MAPKAPK2: variants seen among roughly 807,000 people sequenced by gnomAD.
The protein encoded by MAPKAPK2 is MAPK activated protein kinase 2.
A neutral mutation model predicts 48.8 loss-of-function variants in MAPKAPK2; 9 were observed. The observed-to-expected ratio is 0.18, with a 90% CI of 0.11 to 0.32. MAPKAPK2 has a LOEUF of 0.32. Ranked by LOEUF, MAPKAPK2 falls within the 10% of genes least tolerant of loss-of-function variation. The pLI, the probability that MAPKAPK2 is intolerant of heterozygous loss-of-function variation, is 1.00. For missense variants in MAPKAPK2, 331 were observed against 498.3 expected, an observed-to-expected ratio of 0.66 and a Z score of 3.20; for synonymous variants, 202 against 190.6, an observed-to-expected ratio of 1.06 and a Z score of -0.49.
rs782176693 is a variant in MAPKAPK2, at chr1:206,730,110, G to A, written c.691+12G>A. On this transcript the variant is annotated intron_variant, in intron 5 of 9. Coordinates refer to ENST00000367103, the MANE Select transcript of MAPKAPK2 (RefSeq NM_032960.4). The stretch of plus-strand genomic sequence containing the variant: ...ACCGTACTATGTGGGTAAGTCCACA[G>A]GGGGCCCAGGGACCTAGGCTTTTCC... 6.2e-6 allele frequency: 10 copies of A among 1,614,020 alleles called. No homozygotes were observed. In the African/African-American group the frequency reaches 1.3e-4, roughly 22 times the overall value.
chr1:206,727,690 G>A (rs141627460), intron 1 of MAPKAPK2, among the ~76,000 whole-genome samples: 142 of 152,046 alleles, frequency 9.3e-4, no homozygotes, highest in Middle Eastern at 3.4e-3. Flanking sequence ...GCGTGATCTC[G>A]GCTCGCTGCA....
intron 5 of MAPKAPK2, 52 bp downstream of exon 5, chr1:206,730,150 G>A (rs782155573): frequency 6.2e-7 from 1 of 1,609,642 alleles, no homozygotes; most frequent in Admixed American, 1.7e-5. Flanking sequence ...ACTTTTCTCA[G>A]CCCCTCCTCT....
chr1:206,730,584 A>T, intron 5 of MAPKAPK2, 104 bp from the exon 6 acceptor site: 1 of 997,174 alleles, frequency 1.0e-6, no homozygotes, highest in Non-Finnish European at 1.6e-6. Flanking sequence ...CTGCCACCTC[A>T]TGATAGGCTG....
At chr1:206,691,238 T>C (rs1553426194) in intron 1 of MAPKAPK2, among the ~76,000 whole-genome samples, 1 of 152,056 alleles carries the variant, frequency 6.6e-6, no homozygotes, top group Non-Finnish European at 1.5e-5. Flanking sequence ...GGACCTGCTC[T>C]TGGTCTGGGC....
intron 1 of MAPKAPK2, among the ~76,000 whole-genome samples, chr1:206,720,481 A>G (rs1673479652): frequency 1.3e-5 from 2 of 152,120 alleles, no homozygotes; most frequent in African/African-American, 4.8e-5. Flanking sequence ...CCTCCCAAGT[A>G]GCTGGGATTG....
chr1:206,695,767 TCTC>T, intron 1 of MAPKAPK2: 1 of 214,678 alleles, frequency 4.7e-6, no homozygotes, highest in Non-Finnish European at 8.5e-6. Context: ...TCTCTCTCTC[TCTC>T]TCTTTTTTTT....
chr1:206,696,677 C>T (rs1328535864), intron 1 of MAPKAPK2, among the ~76,000 whole-genome samples: 1 of 152,180 alleles, frequency 6.6e-6, no homozygotes, highest in South Asian at 2.1e-4. Context: ...GCACTCCAGC[C>T]TGGGTGACAG....
intron 4 of MAPKAPK2, 142 bp from the exon 5 acceptor site, chr1:206,729,830 C>A: frequency 2.0e-6 from 2 of 1,007,052 alleles, no homozygotes; most frequent in Non-Finnish European, 2.9e-6. Context: ...AGAGAGCTGC[C>A]ACTCCTCGTG....
chr1:206,717,247 C>T (rs992075515), intron 1 of MAPKAPK2, among the ~76,000 whole-genome samples: 6 of 152,134 alleles, frequency 3.9e-5, no homozygotes, highest in Non-Finnish European at 7.3e-5. Context: ...CCTTGGTTGC[C>T]GCACCTGTAC....
chr1:206,701,131 G>A (rs1672780566), intron 1 of MAPKAPK2, among the ~76,000 whole-genome samples: 1 of 152,218 alleles, frequency 6.6e-6, no homozygotes, highest in Admixed American at 6.5e-5. Flanking sequence ...GAGGAGTGGT[G>A]GAGGGAGTGG....
chr1:206,714,386 G>A (rs912016738), intron 1 of MAPKAPK2, among the ~76,000 whole-genome samples: 2 of 152,106 alleles, frequency 1.3e-5, no homozygotes, highest in Admixed American at 6.5e-5. Context: ...AGCTTGTGAT[G>A]GTTCAGATTA....
intron 1 of MAPKAPK2, among the ~76,000 whole-genome samples, chr1:206,686,921 A>G (rs1303068985): frequency 6.6e-6 from 1 of 152,136 alleles, no homozygotes; most frequent in Non-Finnish European, 1.5e-5. Context: ...GGGGATAAGT[A>G]TCTTCAACAC....
At chr1:206,709,159 ACT>A (rs1345289053) in intron 1 of MAPKAPK2, among the ~76,000 whole-genome samples, 10 of 151,958 alleles carry the variant, frequency 6.6e-5, no homozygotes, top group Non-Finnish European at 1.2e-4. Flanking sequence ...TTCCTATCTG[ACT>A]CTCTGCCCTG....
At position 206,732,206 on chromosome 1, in the gene MAPKAPK2, A is replaced by G; in HGVS notation, c.1059+287A>G. 6.4e-7 allele frequency: 1 copy of G among 1,571,328 alleles called. No homozygotes were observed. The highest frequency in any genetic ancestry group is 8.7e-7 in the Non-Finnish European group (1 of 1,153,580). On this transcript the variant is annotated intron_variant, in intron 9 of 9. Coordinates refer to ENST00000367103, the MANE Select transcript of MAPKAPK2 (RefSeq NM_032960.4). This position sits in a 1 kb window ranked among gnomAD's most constrained non-coding sequence, Gnocchi z 4.4. ...CTGGTATCATCTTCTCATTTTGCAG[A>G]AGAGAAACTGAGGCCCAGAGGCGGA...
At chr1:206,691,776 G>A (rs1222666007) in intron 1 of MAPKAPK2, among the ~76,000 whole-genome samples, 1 of 152,036 alleles carries the variant, frequency 6.6e-6, no homozygotes, top group Non-Finnish European at 1.5e-5. Flanking sequence ...ATAGCTTGCT[G>A]ACTTGCTCCG....
intron 1 of MAPKAPK2, chr1:206,696,159 G>A: frequency 1.3e-6 from 2 of 1,567,284 alleles, no homozygotes; most frequent in Non-Finnish European, 1.8e-6. Context: ...AAGTGTCATT[G>A]AAGGATGCAA....
chr1:206,685,295 GC>G lies in MAPKAPK2; in HGVS notation c.72del (p.Thr25ProfsTer111). Reference protein sequence around the residue: ...PFPAPAPPPQPPTPALPHPPA... With the variant: ...PFPAPAPPPQXPTPALPHPPA... Reference sequence around the variant, plus strand: ...TCCCCGCCCCGGCCCCGCCGCCGCAGCCCCCCACCCCTGCCCTGCCGCACCC... The same window carrying G: ...TCCCCGCCCCGGCCCCGCCGCCGCAGCCCCCACCCCTGCCCTGCCGCACCC... On this transcript the variant is annotated frameshift_variant, in exon 1 of 10. Coordinates refer to ENST00000367103, the MANE Select transcript of MAPKAPK2 (RefSeq NM_032960.4). LOFTEE classifies it high-confidence loss of function. The G allele has an allele frequency of 3.3e-6, 1 of 306,696 alleles. No individual in the cohort carries two copies. The highest frequency in any genetic ancestry group is 4.1e-5 in the South Asian group (1 of 24,534). 19.0% of individuals were successfully genotyped at this position (306,696 alleles called of 1,614,324 possible).
In MAPKAPK2 at chr1:206,685,347, C is replaced by G. The variant is rs1572470680; in HGVS notation, c.118C>G (p.Pro40Ala). The change falls in exon 1 of 10, where the codon CCG becomes GCG. Residue 40 changes from proline (P) to alanine (A), a missense_variant. Coordinates refer to ENST00000367103, the MANE Select transcript of MAPKAPK2 (RefSeq NM_032960.4). ...HPPAQPPPPP[P>A]QQFPQFHVKS... ...CCCGGCGCAGCCGCCGCCGCCGCCC[C>G]CGCAGCAGTTCCCGCAGTTCCACGT... is the stretch of plus-strand genomic sequence containing the variant. 6.7e-7 allele frequency: 1 copy of G among 1,497,248 alleles called. No individual in the cohort carries two copies. The allele number at this position is 1,497,248 out of a possible 1,614,324, so 92.7% of individuals were successfully genotyped here.
chr1:206,721,311 A>G, intron 1 of MAPKAPK2, among the ~76,000 whole-genome samples: 1 of 152,244 alleles, frequency 6.6e-6, no homozygotes, highest in East Asian at 1.9e-4. Context: ...CTGCAGAACT[A>G]TAAGCCAGTT....
Sources: gnomAD v4.1 joint callset for allele counts (sites outside exome capture counted in the v4.1 genomes callset) on GRCh38, gnomAD v4.1.1 for gene constraint, Gnocchi (gnomAD v3.1) non-coding constraint, MANE v1.5 for transcripts, NCBI Gene and HGNC (gene_info 2026-07-23, HGNC 2026-07-21) for gene names.